PALM2AKAP2: variants seen among roughly 807,000 people sequenced by gnomAD.
The protein encoded by PALM2AKAP2 is PALM2-AKAP2 fusion protein.
PALM2AKAP2 carries 37 observed loss-of-function variants against 71.5 expected under a neutral mutation model. The observed-to-expected ratio is 0.52, with a 90% CI of 0.40 to 0.68. The LOEUF (loss-of-function observed/expected upper bound fraction) is 0.68. Among genes scored for constraint, PALM2AKAP2 ranks in the 30% least tolerant of loss-of-function variants. The pLI is 0.00. For missense variants in PALM2AKAP2, 1,224 were observed against 1,191.8 expected (o/e 1.03, Z -0.40); for synonymous variants, 468 against 478.8 (o/e 0.98, Z 0.29).
intron 2 of PALM2AKAP2, among the ~76,000 whole-genome samples, chr9:110,141,210 C>T (rs1365548081): frequency 6.6e-6 from 1 of 152,200 alleles, no homozygotes. Flanking sequence ...TTGCCACTGG[C>T]ATCCCAGCAA....
At chr9:109,868,907 C>G (rs1587973592) in intron 2 of PALM2AKAP2, among the ~76,000 whole-genome samples, 3 of 152,310 alleles carry the variant, frequency 2.0e-5, no homozygotes, top group Non-Finnish European at 4.4e-5. Context: ...CCTCTTCTCA[C>G]AGAGAGGGGG....
chr9:109,891,169 T>A (rs1002042186), intron 3 of PALM2AKAP2, among the ~76,000 whole-genome samples: 2 of 152,150 alleles, frequency 1.3e-5, no homozygotes, highest in Admixed American at 6.5e-5. Context: ...CCGGTAGCAT[T>A]CAGGGCCATT....
At chr9:109,811,431 G>C (rs1484942025) in intron 1 of PALM2AKAP2, among the ~76,000 whole-genome samples, 3 of 151,906 alleles carry the variant, frequency 2.0e-5, no homozygotes, top group Admixed American at 6.6e-5. Context: ...TTAACAAACT[G>C]GACTCCTTAT....
intron 3 of PALM2AKAP2, among the ~76,000 whole-genome samples, chr9:109,913,161 C>T (rs1302231302): frequency 6.6e-6 from 1 of 152,224 alleles, no homozygotes; most frequent in Non-Finnish European, 1.5e-5. Context: ...CACTTCTGAA[C>T]CACATGTGAT....
rs1828972418 is a variant in PALM2AKAP2, at chr9:109,850,188, C to A, written c.46-17303C>A. ...CCTGCGATTCAAAGCTGGTGGAGGA[C>A]TTGCTTAGGTCATGTTAATTAGTTT... On this transcript the variant is annotated intron_variant, in intron 1 of 9. Transcript: ENST00000302798. 2.0e-5 allele frequency among the ~76,000 whole-genome samples: 3 copies of A among 152,162 alleles called. No individual in the cohort carries two copies. The South Asian group carries it at 6.2e-4, about 32-fold the overall frequency.
chr9:109,870,072 G>A (rs1196774422), intron 2 of PALM2AKAP2, among the ~76,000 whole-genome samples: 1 of 152,174 alleles, frequency 6.6e-6, no homozygotes, highest in Non-Finnish European at 1.5e-5. Context: ...CCAGCTTTGG[G>A]AGGTCCTGAA....
intron 6 of PALM2AKAP2, among the ~76,000 whole-genome samples, chr9:109,979,014 G>C (rs534766014): frequency 7.3e-5 from 11 of 151,398 alleles, no homozygotes; most frequent in African/African-American, 2.7e-4. Context: ...TTTTGAGGCA[G>C]AGTGTTGCTC....
chr9:109,739,277 A>T (rs918521738), intron 1 of PALM2AKAP2, among the ~76,000 whole-genome samples: 2 of 152,230 alleles, frequency 1.3e-5, no homozygotes, highest in African/African-American at 2.4e-5. Context: ...ACAGGTTGTT[A>T]TATTCATTTA....
At chr9:110,032,554 G>T (rs1047761078) in intron 7 of PALM2AKAP2, among the ~76,000 whole-genome samples, 6 of 152,022 alleles carry the variant, frequency 3.9e-5, no homozygotes, top group Admixed American at 3.3e-4. Flanking sequence ...AGCTGGGCAT[G>T]GTGGCGCGTG....
rs536201907 is a variant in PALM2AKAP2, at chr9:109,790,893, A to T, written c.45+10360A>T. Among the ~76,000 whole-genome samples the T allele has an allele frequency of 9.5e-4, 145 of 152,262 alleles. 1 individual carries two copies. Among genetic ancestry groups the T allele is most frequent in the Non-Finnish European group, 1.7e-3 (114 of 68,002 alleles). ...TGCTTATCCAGGTAAGCAAAAGCATACTCTAGGATAGCAGTGCTCCTGTAA... is the reference window on the plus strand; with the variant it reads ...TGCTTATCCAGGTAAGCAAAAGCATTCTCTAGGATAGCAGTGCTCCTGTAA... On this transcript the variant is annotated intron_variant, in intron 1 of 9. Transcript: ENST00000302798.
chr9:110,005,868 A>G (rs148313283), intron 6 of PALM2AKAP2, among the ~76,000 whole-genome samples: 2,813 of 152,166 alleles, frequency 0.018, 98 homozygotes, highest in African/African-American at 0.065. Flanking sequence ...TGCTAAGACC[A>G]TTGGAAAAGT....
chr9:109,690,086 C>T (rs996036667), intron 1 of PALM2AKAP2, among the ~76,000 whole-genome samples: 5 of 152,086 alleles, frequency 3.3e-5, no homozygotes, highest in South Asian at 2.1e-4. Flanking sequence ...TTCCCCCTGC[C>T]GGAGGGGATC....
chr9:109,645,853 A>G (rs1264596788), intron 1 of PALM2AKAP2, among the ~76,000 whole-genome samples: 2 of 152,174 alleles, frequency 1.3e-5, no homozygotes, highest in Non-Finnish European at 2.9e-5. Context: ...CCCCACCAGT[A>G]TACAATATAC....
chr9:109,671,740 T>C (rs1171331664), intron 1 of PALM2AKAP2, among the ~76,000 whole-genome samples: 1 of 152,200 alleles, frequency 6.6e-6, no homozygotes, highest in East Asian at 1.9e-4. Flanking sequence ...GGAATATTTT[T>C]CCACATGTTT....
chr9:109,963,060 A>C (rs1295534718), intron 6 of PALM2AKAP2, among the ~76,000 whole-genome samples: 1 of 152,132 alleles, frequency 6.6e-6, no homozygotes, highest in African/African-American at 2.4e-5. Context: ...GAACTTTAGG[A>C]GTTATGAGGA....
chr9:110,091,094 C>A lies in PALM2AKAP2; in HGVS notation c.156+42239C>A, dbSNP rs535689616. ...GACCTGCTGCTAGTCGGGCACTTGG[C>A]ACTTTGCAGGGATTTGGGGCAGGTT... is the stretch of plus-strand genomic sequence containing the variant. On this transcript the variant is annotated intron_variant, in intron 1 of 3. Coordinates refer to ENST00000374525, the Ensembl canonical transcript of PALM2AKAP2. 2.0e-5 allele frequency among the ~76,000 whole-genome samples: 3 copies of A among 152,192 alleles called. No individual in the cohort carries two copies. In the East Asian group the frequency reaches 5.8e-4, roughly 29 times the overall value.
chr9:109,854,763 CTTTTTT>C (rs34401582), intron 1 of PALM2AKAP2, among the ~76,000 whole-genome samples: 2 of 66,182 alleles, frequency 3.0e-5, no homozygotes, highest in African/African-American at 1.2e-4. Context: ...AAGAATGTAT[CTTTTTT>C]TTTTTTTTTT....
At chr9:109,718,822 C>T (rs2118628092) in intron 1 of PALM2AKAP2, among the ~76,000 whole-genome samples, 1 of 152,294 alleles carries the variant, frequency 6.6e-6, no homozygotes, top group Admixed American at 6.5e-5. Context: ...CTGAACTTTC[C>T]ACCCTTGGCT....
chr9:110,088,710 T>G (rs954111462), intron 1 of PALM2AKAP2, among the ~76,000 whole-genome samples: 9 of 80,374 alleles, frequency 1.1e-4, no homozygotes, highest in African/African-American at 7.3e-4. Context: ...CGTGTTTTTT[T>G]TTTTTTTTTT....
Sources: gnomAD v4.1 joint callset for allele counts (sites outside exome capture counted in the v4.1 genomes callset) on GRCh38, gnomAD v4.1.1 for gene constraint, MANE v1.5 for transcripts, NCBI Gene and HGNC (gene_info 2026-07-23, HGNC 2026-07-21) for gene names.